PARP4: variants seen among roughly 807,000 people sequenced by gnomAD.
The protein encoded by PARP4 is protein mono-ADP-ribosyltransferase PARP4.
In PARP4, 120 loss-of-function variants were observed where a neutral mutation model predicts 187.7. The observed-to-expected ratio is 0.64, with a 90% CI of 0.55 to 0.74. The LOEUF is 0.74. Among genes scored for constraint, PARP4 ranks in the 30% least tolerant of loss-of-function variants. The pLI, the probability that PARP4 is intolerant of heterozygous loss-of-function variation, is 0.00. For synonymous variants in PARP4, 654 were observed against 740.9 expected (o/e 0.88, Z 1.90); for missense variants, 1,836 against 2,070.5 (o/e 0.89, Z 2.20).
chr13:24,499,861 GT>G (rs760341089), intron 4 of PARP4, among the ~76,000 whole-genome samples: 25 of 152,144 alleles, frequency 1.6e-4, no homozygotes, highest in Admixed American at 5.9e-4. Flanking sequence ...AAGATTGAAT[GT>G]GATGCCTAAT....
chr13:24,468,532 G>C (rs573121036), intron 17 of PARP4, among the ~76,000 whole-genome samples: 50 of 151,460 alleles, frequency 3.3e-4, no homozygotes, highest in Non-Finnish European at 3.2e-4. Flanking sequence ...AGCCTCTCCA[G>C]TAGCTGGGAT....
intron 1 of PARP4, among the ~76,000 whole-genome samples, chr13:24,505,233 A>G (rs1869560381): frequency 6.6e-6 from 1 of 152,138 alleles, no homozygotes; most frequent in Non-Finnish European, 1.5e-5. Context: ...GTGCAGCACA[A>G]AACCTACAGA....
chr13:24,498,797 G>C (rs750530025), intron 5 of PARP4, among the ~76,000 whole-genome samples: 34 of 152,084 alleles, frequency 2.2e-4, no homozygotes, highest in Non-Finnish European at 3.4e-4. Flanking sequence ...AAAAGGAATG[G>C]AAACGCAACA....
chr13:24,451,483 CTG>C (rs1263420511), intron 24 of PARP4, among the ~76,000 whole-genome samples: 1 of 152,040 alleles, frequency 6.6e-6, no homozygotes, highest in Non-Finnish European at 1.5e-5. Flanking sequence ...CAGAGGGACA[CTG>C]GGGGCCATGG....
chr13:24,477,914 T>C (rs919050622), intron 13 of PARP4, 57 bp from the exon 14 acceptor site: 3 of 1,282,458 alleles, frequency 2.3e-6, no homozygotes, highest in African/African-American at 1.5e-5. Flanking sequence ...AAAACCTGTA[T>C]TGGCAGATGT....
chr13:24,507,899 C>T (rs1464724241), intron 1 of PARP4, among the ~76,000 whole-genome samples: 1 of 152,192 alleles, frequency 6.6e-6, no homozygotes, highest in Non-Finnish European at 1.5e-5. Context: ...CCCTTCCTCA[C>T]CCCATGCTGT....
intron 12 of PARP4, among the ~76,000 whole-genome samples, chr13:24,483,495 A>G (rs1873389813): frequency 6.6e-6 from 1 of 150,482 alleles, no homozygotes; most frequent in Non-Finnish European, 1.5e-5. Context: ...TCCGTCTCAA[A>G]AAAAAAAAAA....
chr13:24,489,469 G>A (rs868685727), intron 10 of PARP4, among the ~76,000 whole-genome samples: 33 of 152,248 alleles, frequency 2.2e-4, no homozygotes, highest in Middle Eastern at 3.4e-3. Context: ...TTAGCCAGGC[G>A]TGGTGGCGTG....
chr13:24,464,692 C>T (rs1435887965), intron 17 of PARP4, among the ~76,000 whole-genome samples: 1 of 152,070 alleles, frequency 6.6e-6, no homozygotes, highest in African/African-American at 2.4e-5. Context: ...ACTATAAAAA[C>T]TCTAGAAGAA....
At chr13:24,449,919 G>GA in intron 24 of PARP4, 102 bp from the exon 25 acceptor site, 1 of 634,656 alleles carries the variant, frequency 1.6e-6, no homozygotes, top group South Asian at 2.0e-5. Flanking sequence ...GGAGAGACAT[G>GA]ACGTGGGGAA....
rs1870382842 is a variant in PARP4 at position 24,432,325 on chromosome 13, C to G, written c.4747-849G>C. The stretch of plus-strand genomic sequence containing the variant: ...GAGCATTGAACCGGTATTTCTCAAG[C>G]TTTTAAAGTATATGTCATGCATGAT... On this transcript the variant is annotated intron_variant, in intron 31 of 33. Coordinates refer to ENST00000381989, the MANE Select transcript of PARP4 (RefSeq NM_006437.4). 2.6e-5 allele frequency among the ~76,000 whole-genome samples: 4 copies of G among 152,216 alleles called. No homozygotes were observed. The South Asian group carries it at 8.3e-4, about 32-fold the overall frequency.
chr13:24,492,653 A>G, intron 8 of PARP4, 59 bp from the exon 9 acceptor site: 1 of 1,370,422 alleles, frequency 7.3e-7, no homozygotes, highest in Non-Finnish European at 1.0e-6. Context: ...ATTAAGGAGC[A>G]TGCACAAAAC....
intron 32 of PARP4, among the ~76,000 whole-genome samples, chr13:24,427,880 G>A (rs1357320236): frequency 6.6e-6 from 1 of 152,082 alleles, no homozygotes; most frequent in Non-Finnish European, 1.5e-5. Flanking sequence ...TTTACAAAAT[G>A]TTAGACTAAT....
At chr13:24,500,908 T>C (rs1869238568) in intron 3 of PARP4, among the ~76,000 whole-genome samples, 1 of 152,242 alleles carries the variant, frequency 6.6e-6, no homozygotes, top group Non-Finnish European at 1.5e-5. Context: ...GGATCATCAG[T>C]GTATTTGTAG....
chr13:24,503,222 C>T (rs181460805), intron 2 of PARP4, among the ~76,000 whole-genome samples: 2 of 152,340 alleles, frequency 1.3e-5, no homozygotes, highest in African/African-American at 4.8e-5. Context: ...GTCTGCACTG[C>T]ATGTATTTCT....
In PARP4 at chr13:24,446,738, T is replaced by A. The variant is rs747799905; in HGVS notation, c.3309A>T (p.Gln1103His). ...CTQATLCALI[Q>H]EKEFRTMVST... ...ACACCATTGTACGAAATTCTTTCTC[T>A]TGAATTAGTGCACACAGAGTTGCCT... is the stretch of plus-strand genomic sequence containing the variant. The change falls in exon 27 of 34, where the codon CAA becomes CAT. Residue 1103 changes from glutamine (Q) to histidine (H), a missense_variant. Physicochemically the swap from Gln to His is conservative, Grantham distance 24. Around this residue, in one of 8 missense-constraint regions of PARP4, gnomAD observed 56 missense variants for 56.6 expected, o/e 0.99. Coordinates refer to ENST00000381989, the MANE Select transcript of PARP4 (RefSeq NM_006437.4). The A allele has an allele frequency of 1.3e-6, 2 of 1,598,096 alleles. No homozygotes were observed. Among genetic ancestry groups the A allele is most frequent in the African/African-American group, 2.7e-5 (2 of 74,764 alleles).
rs1345248405 is a variant in PARP4, at chr13:24,503,695, T to C, written c.82A>G (p.Thr28Ala). The change falls in exon 2 of 34, where the codon ACT (threonine) becomes GCT (alanine). Residue 28 changes from threonine to alanine, a missense_variant. Physicochemically the swap from Thr to Ala is moderately conservative, Grantham distance 58 (BLOSUM62 0). Around this residue, in one of 8 missense-constraint regions of PARP4, gnomAD observed 1,147 missense variants for 1,214.2 expected, o/e 0.94. Coordinates refer to ENST00000381989, the MANE Select transcript of PARP4 (RefSeq NM_006437.4). ...TTTCCGCCATTTTCCTTAATGTCAG[T>C]TTGTAGCTTTTTCTTCTGCTGCTGA... is the stretch of plus-strand genomic sequence containing the variant. ...LPQQQKKKLQ[T>A]DIKENGGKFS... 1 of 1,613,960 alleles carries C rather than the reference T, an allele frequency of 6.2e-7. No individual in the cohort carries two copies. The highest frequency in any genetic ancestry group is 1.3e-5 in the African/African-American group (1 of 75,046).
chr13:24,475,376 C>CT, intron 15 of PARP4, 96 bp downstream of exon 15: 1 of 1,144,558 alleles, frequency 8.7e-7, no homozygotes. Flanking sequence ...TTTTAGAAAT[C>CT]TATCTATTCC....
Position 24,490,821 on chromosome 13 carries a change from C to T in PARP4, c.1061G>A (p.Arg354Lys), listed in dbSNP as rs1415613178. 2 of 1,612,406 alleles carry T rather than the reference C, an allele frequency of 1.2e-6. No homozygotes were observed. The highest frequency in any genetic ancestry group is 2.7e-5 in the African/African-American group (2 of 74,852). Residue 354 changes from arginine to lysine, a missense_variant, in exon 10 of 34, where the codon AGA becomes AAA. By Grantham distance (26) the Arg-to-Lys change is conservative. Coordinates refer to ENST00000381989, the MANE Select transcript of PARP4 (RefSeq NM_006437.4). The part of the protein sequence containing the change: ...AKKADLCQLI[R>K]DMVNVCETNL... ...AGTTTCACAGACATTAACCATGTCTCTTATTAGCTGTAGGTGGAAATAATA... is the reference window on the plus strand; with the variant it reads ...AGTTTCACAGACATTAACCATGTCTTTTATTAGCTGTAGGTGGAAATAATA...
Sources: allele counts gnomAD v4.1 joint callset (sites outside exome capture counted in the v4.1 genomes callset), GRCh38; gene constraint gnomAD v4.1.1; regional missense constraint gnomAD v4.1.1; transcripts MANE v1.5; gene names NCBI Gene and HGNC (gene_info 2026-07-23, HGNC 2026-07-21).